The following FAF1 variants were observed in gnomAD, a reference collection of about 807,000 sequenced individuals.
The protein encoded by FAF1 is Fas associated factor 1.
Under a neutral mutation model 92.5 loss-of-function variants are expected in FAF1, and 25 were observed. That is an observed-to-expected ratio of 0.27 (90% CI 0.20 to 0.38). The LOEUF (loss-of-function observed/expected upper bound fraction) is 0.38, where lower values mean the gene tolerates loss of function less well. FAF1 is among the 10% of genes least tolerant of loss of function. The probability of loss-of-function intolerance (pLI) is 1.00; values close to 1 mark genes in which losing one functional copy is unlikely to be tolerated. For synonymous variants in FAF1, 234 were observed against 273.2 expected, an observed-to-expected ratio of 0.86 and a Z score of 1.42; for missense variants, 636 against 793.3, an observed-to-expected ratio of 0.80 and a Z score of 2.38.
chr1:50,810,150 G>C (rs1022415487), intron 2 of FAF1, among the ~76,000 whole-genome samples: 25 of 152,182 alleles, frequency 1.6e-4, no homozygotes, highest in Non-Finnish European at 2.8e-4. Flanking sequence ...AGCTACTTGG[G>C]AGGCTGATGC....
chr1:50,651,017 G>T (rs924208672), intron 8 of FAF1, among the ~76,000 whole-genome samples: 3 of 152,188 alleles, frequency 2.0e-5, no homozygotes, highest in African/African-American at 7.2e-5. Context: ...ACTCTGAAGG[G>T]AGATGGGCAA....
intron 8 of FAF1, among the ~76,000 whole-genome samples, chr1:50,652,561 C>T (rs931880516): frequency 2.0e-5 from 3 of 152,218 alleles, no homozygotes; most frequent in Middle Eastern, 3.4e-3. Flanking sequence ...ATCTTATGTC[C>T]CTGCTCTTAA....
intron 1 of FAF1, among the ~76,000 whole-genome samples, chr1:50,908,890 G>A (rs537051133): frequency 6.6e-6 from 1 of 152,258 alleles, no homozygotes; most frequent in East Asian, 1.9e-4. Flanking sequence ...GGTTAATATT[G>A]TTATGTGTGA....
Position 50,482,078 on chromosome 1 carries a change from T to C in FAF1, c.1654-6399A>G, listed in dbSNP as rs1314445669. On this transcript the variant is annotated intron_variant, in intron 17 of 18. Coordinates refer to ENST00000396153, the MANE Select transcript of FAF1 (RefSeq NM_007051.3). Reference sequence around the variant, plus strand: ...AGTTCTGTGAGTTTTGACAAATGCATATATTTGCATAAGTACCATCACCAA... The same window carrying C: ...AGTTCTGTGAGTTTTGACAAATGCACATATTTGCATAAGTACCATCACCAA... Among the ~76,000 whole-genome samples the C allele has an allele frequency of 2.6e-5, 4 of 152,322 alleles. No homozygotes were observed. In the East Asian group the frequency reaches 7.7e-4, roughly 29 times the overall value.
At chr1:50,650,602 A>C (rs1039622735) in intron 8 of FAF1, among the ~76,000 whole-genome samples, 1 of 152,224 alleles carries the variant, frequency 6.6e-6, no homozygotes, top group Non-Finnish European at 1.5e-5. Context: ...CCTGGGTGAC[A>C]GAGCAAGACT....
chr1:50,447,344 C>T (rs1253192454), intron 18 of FAF1, among the ~76,000 whole-genome samples: 5 of 152,070 alleles, frequency 3.3e-5, no homozygotes, highest in Non-Finnish European at 7.4e-5. Flanking sequence ...CCAGGATGGT[C>T]TCGATCTCCT....
chr1:50,579,858 A>G (rs1458973302), intron 12 of FAF1, among the ~76,000 whole-genome samples: 2 of 152,182 alleles, frequency 1.3e-5, no homozygotes, highest in Admixed American at 6.5e-5. Context: ...TGGTTCCAAA[A>G]AAAACAGCTA....
At chr1:50,642,843 TTTG>T (rs933866988) in intron 8 of FAF1, among the ~76,000 whole-genome samples, 3 of 152,226 alleles carry the variant, frequency 2.0e-5, no homozygotes, top group Non-Finnish European at 4.4e-5. Flanking sequence ...TGTTTTCTTT[TTTG>T]TTGTTGTTGT....
chr1:50,548,966 T>C (rs1649162547), intron 13 of FAF1, among the ~76,000 whole-genome samples: 1 of 152,214 alleles, frequency 6.6e-6, no homozygotes, highest in African/African-American at 2.4e-5. Context: ...ATTAATAAAT[T>C]CTACTTGTTT....
intron 4 of FAF1, among the ~76,000 whole-genome samples, chr1:50,776,851 T>A (rs776311834): frequency 1.4e-4 from 22 of 152,158 alleles, no homozygotes; most frequent in Non-Finnish European, 2.9e-4. Context: ...TTAGCAATAC[T>A]ACTAAAAATC....
At chr1:50,555,294 C>CA (rs1557993268) in intron 13 of FAF1, among the ~76,000 whole-genome samples, 151 of 114,130 alleles carry the variant, frequency 1.3e-3, no homozygotes, top group African/African-American at 3.0e-3. Flanking sequence ...CACACACACA[C>CA]CCCCCAAAAT....
Position 50,718,112 on chromosome 1 carries a change from C to T in FAF1, c.552-12221G>A, listed in dbSNP as rs370172108. Among the ~76,000 whole-genome samples the T allele has an allele frequency of 2.6e-5, 4 of 152,056 alleles. No individual in the cohort carries two copies. The East Asian group carries it at 7.7e-4, about 29-fold the overall frequency. On this transcript the variant is annotated intron_variant, in intron 6 of 18. Transcript: ENST00000396153. ...TCGACTCACTGCAACCTCCGCCTCC[C>T]GAGTTCAAGCGATTCTCCTGCTTCA...
chr1:50,920,172 T>A (rs1364453671), intron 1 of FAF1, among the ~76,000 whole-genome samples: 1 of 151,716 alleles, frequency 6.6e-6, no homozygotes, highest in Non-Finnish European at 1.5e-5. Context: ...GTGGTGGCAC[T>A]CGCCTGTAGT....
chr1:50,960,026 C>T lies in FAF1; in HGVS notation c.-215G>A, dbSNP rs1645303951. On this transcript the variant is annotated 5_prime_UTR_variant, in exon 1 of 19. Coordinates refer to ENST00000396153, the MANE Select transcript of FAF1 (RefSeq NM_007051.3). ...GTAACCTTCAGGCGCCCCGGCCGCC[C>T]GCCTGCAACCTGCGGAGCCCGCGTC... 7.6e-6 allele frequency: 3 copies of T among 395,320 alleles called. No individual in the cohort carries two copies. The highest frequency in any genetic ancestry group is 6.3e-4 in the Middle Eastern group (1 of 1,588). The allele number at this position is 395,320 out of a possible 1,614,324, so 24.5% of individuals were successfully genotyped here.
chr1:50,889,847 T>C, intron 1 of FAF1, among the ~76,000 whole-genome samples: 1 of 152,216 alleles, frequency 6.6e-6, no homozygotes, highest in Non-Finnish European at 1.5e-5. Flanking sequence ...TTCTGTTGAT[T>C]TGGGGTGGAG....
chr1:50,761,999 T>G (rs952138705), intron 4 of FAF1, among the ~76,000 whole-genome samples: 2 of 152,120 alleles, frequency 1.3e-5, no homozygotes, highest in East Asian at 3.9e-4. Flanking sequence ...AGTCTCAGGA[T>G]ACAAAATCAA....
rs115136563 is a variant in FAF1, at chr1:50,721,176, T to A, written c.552-15285A>T. Among the ~76,000 whole-genome samples the A allele has an allele frequency of 8.4e-3, 1,283 of 152,210 alleles. 18 individuals carry two copies. The highest frequency in any genetic ancestry group is 0.03 in the African/African-American group (1,239 of 41,538). On this transcript the variant is annotated intron_variant, in intron 6 of 18. Coordinates refer to ENST00000396153, the MANE Select transcript of FAF1 (RefSeq NM_007051.3). The stretch of plus-strand genomic sequence containing the variant: ...TCGTAAAGCACTTTGGGAAATTTTT[T>A]TTTTTTCTTTTGAGAGGAGTCTCAC...
At chr1:50,657,981 A>G (rs938649281) in intron 7 of FAF1, among the ~76,000 whole-genome samples, 2 of 152,200 alleles carry the variant, frequency 1.3e-5, no homozygotes, top group Admixed American at 1.3e-4. Context: ...GGAAATTTTT[A>G]TCAGTCATTA....
chr1:50,580,634 T>G (rs1364204495), intron 12 of FAF1, among the ~76,000 whole-genome samples: 1 of 152,118 alleles, frequency 6.6e-6, no homozygotes, highest in African/African-American at 2.4e-5. Context: ...AAAAAAGCTG[T>G]TATTACAGGA....
Sources: gnomAD v4.1 joint callset for allele counts (sites outside exome capture counted in the v4.1 genomes callset) on GRCh38, gnomAD v4.1.1 for gene constraint, MANE v1.5 for transcripts, NCBI Gene and HGNC (gene_info 2026-07-23, HGNC 2026-07-21) for gene names.